PFKP: variants seen among roughly 807,000 people sequenced by gnomAD.
The protein encoded by PFKP is phosphofructokinase, platelet, also known as ATP-dependent 6-phosphofructokinase, platelet type.
PFKP carries 101 observed loss-of-function variants against 94.3 expected under a neutral mutation model. That is an observed-to-expected ratio of 1.07 (90% CI 0.91 to 1.26). The LOEUF is 1.26. Ranked by LOEUF, PFKP falls within the 50% of genes most tolerant of loss-of-function variation. The pLI is 0.00. For synonymous variants in PFKP, 573 were observed against 432.6 expected (o/e 1.32, Z -4.03); for missense variants, 1,145 against 1,103.3 (o/e 1.04, Z -0.53).
At chr10:3,074,913 G>A (rs1367113698) in intron 1 of PFKP, among the ~76,000 whole-genome samples, 4 of 152,122 alleles carry the variant, frequency 2.6e-5, no homozygotes, top group South Asian at 2.1e-4. Context: ...TGGGAAATCC[G>A]TGGTCTCACA....
At chr10:3,133,939 TGTA>T (rs1353634549) in intron 19 of PFKP, among the ~76,000 whole-genome samples, 1 of 152,188 alleles carries the variant, frequency 6.6e-6, no homozygotes, top group Non-Finnish European at 1.5e-5. Flanking sequence ...TTATCAGACA[TGTA>T]GTATACTTGA....
intron 13 of PFKP, among the ~76,000 whole-genome samples, chr10:3,115,735 G>C (rs989220726): frequency 2.6e-5 from 4 of 152,210 alleles, no homozygotes; most frequent in Non-Finnish European, 4.4e-5. Flanking sequence ...GAGCTTCCCT[G>C]AGGGCCTGAG....
intron 16 of PFKP, among the ~76,000 whole-genome samples, chr10:3,122,014 G>T (rs1427496000): frequency 6.6e-6 from 1 of 151,626 alleles, no homozygotes; most frequent in Non-Finnish European, 1.5e-5. Context: ...TAGAGACGGG[G>T]TCTCCCTGTG....
intron 4 of PFKP, among the ~76,000 whole-genome samples, chr10:3,103,061 G>A (rs1363657733): frequency 6.6e-6 from 1 of 152,236 alleles, no homozygotes; most frequent in Non-Finnish European, 1.5e-5. Context: ...CCACGATCCA[G>A]CTTCCCACAG....
intron 2 of PFKP, among the ~76,000 whole-genome samples, chr10:3,087,241 G>A (rs1207640528): frequency 6.6e-6 from 1 of 150,664 alleles, no homozygotes; most frequent in Non-Finnish European, 1.5e-5. Flanking sequence ...TTACAGGTGT[G>A]AGGCACCTCA....
At chr10:3,104,688 T>C (rs1188322086) in intron 5 of PFKP, 3 of 240,476 alleles carry the variant, frequency 1.2e-5, no homozygotes, top group African/African-American at 7.1e-5. Context: ...CCACAGTCTC[T>C]GGGCATTAAG....
intron 21 of PFKP, among the ~76,000 whole-genome samples, chr10:3,136,189 C>A (rs111953421): frequency 6.6e-6 from 1 of 152,092 alleles, no homozygotes; most frequent in African/African-American, 2.4e-5. Context: ...CGCTTGAACC[C>A]GGGAGGCAGA....
intron 2 of PFKP, among the ~76,000 whole-genome samples, chr10:3,091,805 C>A (rs1169781682): frequency 1.3e-5 from 2 of 152,212 alleles, no homozygotes; most frequent in South Asian, 2.1e-4. Flanking sequence ...AGAAAAAAGT[C>A]TTTTATCTTA....
intron 10 of PFKP, 75 bp from the exon 11 acceptor site, chr10:3,112,147 C>T (rs2306301): frequency 0.35 from 424,350 of 1,215,420 alleles, 77,011 homozygotes; most frequent in Non-Finnish European, 0.38. Flanking sequence ...AGGACCGAGC[C>T]AGTCTCTACC....
chr10:3,105,304 C>T (rs1835425369), intron 6 of PFKP, 89 bp from the exon 7 acceptor site: 2 of 1,316,090 alleles, frequency 1.5e-6, no homozygotes, highest in Non-Finnish European at 2.2e-6. Flanking sequence ...GGCGTTAGGT[C>T]TGCACGTCTG....
intron 3 of PFKP, chr10:3,101,077 C>G: frequency 8.4e-7 from 1 of 1,186,778 alleles, no homozygotes; most frequent in South Asian, 1.2e-5. Context: ...GCTGTGACAC[C>G]GCAGGCTGGT....
At chr10:3,108,258 G>T (rs1434107509) in intron 8 of PFKP, among the ~76,000 whole-genome samples, 1 of 152,228 alleles carries the variant, frequency 6.6e-6, no homozygotes, top group Non-Finnish European at 1.5e-5. Context: ...TCACCGGGCC[G>T]GTGTGCCCAT....
chr10:3,118,152 G>A (rs73575016), intron 14 of PFKP, among the ~76,000 whole-genome samples: 15,953 of 152,170 alleles, frequency 0.1, 895 homozygotes, highest in Admixed American at 0.14. Context: ...GCATATGTAA[G>A]TTATTTGGAA....
At chr10:3,120,372 TGTGTGTGTG>T (rs752322119) in intron 16 of PFKP, among the ~76,000 whole-genome samples, 8 of 125,854 alleles carry the variant, frequency 6.4e-5, no homozygotes, top group African/African-American at 9.4e-5. Flanking sequence ...AAAATCGCTG[TGTGTGTGTG>T]TGTGTGTGTG....
intron 1 of PFKP, among the ~76,000 whole-genome samples, 164 bp downstream of exon 1, chr10:3,067,871 G>A (rs1030975457): frequency 1.3e-5 from 2 of 151,686 alleles, no homozygotes; most frequent in Non-Finnish European, 2.9e-5. Context: ...GAGCGGGGAA[G>A]CGATGGGGAG....
At position 3,129,880 on chromosome 10, in the gene PFKP, C is replaced by G. The variant is rs776948533; in HGVS notation, c.1745C>G (p.Thr582Ser). Residue 582 changes from threonine to serine, a missense_variant, in exon 17 of 22, where the codon ACC becomes AGC. Physicochemically the swap from Thr to Ser is moderately conservative, Grantham distance 58. Transcript: ENST00000381125. ...GTKRRVFIIE[T>S]MGGYCGYLAN... The stretch of plus-strand genomic sequence containing the variant: ...AAGCGGCGCGTGTTCATCATCGAGA[C>G]CATGGGCGGCTACTGTGGCTACCTG... The G allele has an allele frequency of 1.9e-6, 3 of 1,613,634 alleles. No homozygotes were observed. Among genetic ancestry groups the G allele is most frequent in the South Asian group, 1.1e-5 (1 of 91,078 alleles).
At chr10:3,075,467 A>G (rs1172205628) in intron 1 of PFKP, among the ~76,000 whole-genome samples, 1 of 151,406 alleles carries the variant, frequency 6.6e-6, no homozygotes, top group African/African-American at 2.4e-5. Flanking sequence ...GCAGTTTGCA[A>G]ATCCAGGCAG....
chr10:3,133,520 T>G (rs1262560363), intron 19 of PFKP, among the ~76,000 whole-genome samples: 1 of 152,224 alleles, frequency 6.6e-6, no homozygotes, highest in East Asian at 1.9e-4. Context: ...AACCTCCACC[T>G]TCCAGGTTCA....
In PFKP at chr10:3,115,404, GTGAAGGTGTGTGT is replaced by G. The variant is rs1269145357; in HGVS notation, c.1372-1371_1372-1359del. On this transcript the variant is annotated intron_variant, in intron 13 of 21. Coordinates refer to ENST00000381125, the MANE Select transcript of PFKP (RefSeq NM_002627.5). Reference sequence around the variant, plus strand: ...TGAGAACAGGACTGGGGATGCCGGGGTGAAGGTGTGTGTCCCGCCATGGAGGACAGGACTGGGG... The same window carrying G: ...TGAGAACAGGACTGGGGATGCCGGGGCCCGCCATGGAGGACAGGACTGGGG... 3.3e-4 allele frequency among the ~76,000 whole-genome samples: 28 copies of G among 83,904 alleles called. 7 individuals are homozygous for G. The highest frequency in any genetic ancestry group is 5.3e-4 in the Non-Finnish European group (18 of 33,660). 55.0% of individuals were successfully genotyped at this position (83,904 alleles called of 152,430 possible).
Sources: allele counts gnomAD v4.1 joint callset (sites outside exome capture counted in the v4.1 genomes callset), GRCh38; gene constraint gnomAD v4.1.1; transcripts MANE v1.5; gene names NCBI Gene and HGNC (gene_info 2026-07-23, HGNC 2026-07-21).